The following B9D1 variants were observed in gnomAD, a reference collection of about 807,000 sequenced individuals.
The protein encoded by B9D1 is B9 domain containing 1.
A neutral mutation model predicts 26.1 loss-of-function variants in B9D1; 20 were observed. The observed-to-expected ratio is 0.77, with a 90% CI of 0.54 to 1.12. The LOEUF (loss-of-function observed/expected upper bound fraction) is 1.12, where lower values mean the gene tolerates loss of function less well. B9D1 is among the 50% of genes most tolerant of loss of function. The pLI is 0.00. For missense variants in B9D1, 260 were observed against 273.7 expected (o/e 0.95, Z 0.35); for synonymous variants, 105 against 103.1 (o/e 1.02, Z -0.11).
At chr17:19,376,050 T>C (rs184113769) in intron 1 of B9D1, among the ~76,000 whole-genome samples, 1 of 152,322 alleles carries the variant, frequency 6.6e-6, no homozygotes, top group East Asian at 1.9e-4. Flanking sequence ...TATTTGGCCA[T>C]AAAAATTAGT....
chr17:19,368,770 C>T (rs555199890), intron 1 of B9D1, among the ~76,000 whole-genome samples: 3 of 152,156 alleles, frequency 2.0e-5, no homozygotes, highest in South Asian at 2.1e-4. Flanking sequence ...ATAGAGACCC[C>T]GTCTCTAAGA....
rs558958320 is a variant in B9D1 at position 19,351,556 on chromosome 17, G to A, written c.245-3676C>T. On this transcript the variant is annotated intron_variant, in intron 3 of 6. Coordinates refer to ENST00000261499, the MANE Select transcript of B9D1 (RefSeq NM_015681.6). ...TTCTAGGAGTTTGTGTAAATCTGTC[G>A]TTACTTCCTCTTCTTTTTTTTCTTA... Among the ~76,000 whole-genome samples the A allele has an allele frequency of 2.6e-4, 39 of 152,182 alleles. 1 individual carries two copies. The highest frequency in any genetic ancestry group is 8.3e-4 in the South Asian group (4 of 4,814).
At chr17:19,367,832 T>A (rs1911679796) in intron 1 of B9D1, among the ~76,000 whole-genome samples, 1 of 152,220 alleles carries the variant, frequency 6.6e-6, no homozygotes, top group Non-Finnish European at 1.5e-5. Context: ...AGCCCCTTGG[T>A]CACAGCCCTT....
downstream of B9D1, chr17:19,335,737 C>G (rs1398749236): frequency 1.2e-5 from 4 of 338,774 alleles, no homozygotes; most frequent in Non-Finnish European, 1.6e-5. Context: ...AGAAAAAAGT[C>G]ATTCACCTGG....
In B9D1 at chr17:19,347,923, AG is replaced by A; in HGVS notation, c.245-44del. 6.5e-7 allele frequency: 1 copy of A among 1,530,296 alleles called. No homozygotes were observed. Among genetic ancestry groups the A allele is most frequent in the Non-Finnish European group, 9.0e-7 (1 of 1,107,824 alleles). The allele number at this position is 1,530,296 out of a possible 1,614,324, so 94.8% of individuals were successfully genotyped here. Reference sequence around the variant, plus strand: ...AGGGGGTGGGCACATGAGGACACACAGGGGAGGTGCAGGGCAGAGAACAGGG... The same window carrying A: ...AGGGGGTGGGCACATGAGGACACACAGGGAGGTGCAGGGCAGAGAACAGGG... On this transcript the variant is annotated intron_variant, in intron 3 of 6. Coordinates refer to ENST00000261499, the MANE Select transcript of B9D1 (RefSeq NM_015681.6). The surrounding 1 kb of genome is among the most constrained non-coding windows in gnomAD (Gnocchi z 4.3).
Position 19,343,218 on chromosome 17 carries a change from C to T in B9D1, c.*101G>A, listed in dbSNP as rs1766501658. On this transcript the variant is annotated 3_prime_UTR_variant, in exon 7 of 7. Transcript: ENST00000261499. ...TATTATACAAAACTATTCTGTGTGC[C>T]CCCAGCTCTGGCCACCAGGCTGCCC... 6.3e-7 allele frequency: 1 copy of T among 1,585,248 alleles called. No homozygotes were observed. The highest frequency in any genetic ancestry group is 8.6e-7 in the Non-Finnish European group (1 of 1,169,500).
At chr17:19,361,463 A>G (rs1911054932) in intron 1 of B9D1, among the ~76,000 whole-genome samples, 1 of 152,056 alleles carries the variant, frequency 6.6e-6, no homozygotes, top group African/African-American at 2.4e-5. Context: ...CTGAGAGCAG[A>G]GCAGGGAGGA....
At chr17:19,351,040 T>A (rs1302023736) in intron 3 of B9D1, among the ~76,000 whole-genome samples, 2 of 152,126 alleles carry the variant, frequency 1.3e-5, no homozygotes, top group African/African-American at 4.8e-5. Flanking sequence ...AGTTTCACCA[T>A]GTTGGCCAGG....
chr17:19,362,067 C>T (rs1911149235), intron 1 of B9D1, among the ~76,000 whole-genome samples: 1 of 152,222 alleles, frequency 6.6e-6, no homozygotes, highest in South Asian at 2.1e-4. Context: ...TTCCAGGCCA[C>T]CACCATTGTT....
Position 19,372,899 on chromosome 17 carries a change from G to C in B9D1, c.-298+4960C>G, listed in dbSNP as rs1423122932. The stretch of plus-strand genomic sequence containing the variant: ...ACCCACTCTTGCGGCAGAGGGGTGC[G>C]AACAGTTGGGCACATCTATTATTTC... On this transcript the variant is annotated intron_variant, in intron 1 of 5. Coordinates refer to the B9D1 transcript ENST00000477478. The surrounding 1 kb of genome is among the most constrained non-coding windows in gnomAD (Gnocchi z 4.4). 6.6e-6 allele frequency among the ~76,000 whole-genome samples: 1 copy of C among 152,164 alleles called. No individual in the cohort carries two copies. The highest frequency in any genetic ancestry group is 6.5e-5 in the Admixed American group (1 of 15,272).
chr17:19,377,135 G>A (rs1401104667), intron 1 of B9D1, among the ~76,000 whole-genome samples: 2 of 152,148 alleles, frequency 1.3e-5, no homozygotes, highest in Non-Finnish European at 1.5e-5. Flanking sequence ...GACCATCTTG[G>A]GCACATGTTG....
intron 1 of B9D1, among the ~76,000 whole-genome samples, chr17:19,373,484 C>T (rs1296549716): frequency 2.6e-5 from 4 of 152,100 alleles, no homozygotes; most frequent in East Asian, 1.9e-4. Context: ...CTCCACCTCC[C>T]GAGTTCAAGC....
chr17:19,343,952 C>CG, intron 5 of B9D1, 95 bp from the exon 6 acceptor site: 3 of 1,573,302 alleles, frequency 1.9e-6, no homozygotes, highest in African/African-American at 2.7e-5. Context: ...GTTCAGAAAC[C>CG]AGCACTCTTG....
rs1910821957 is a variant in B9D1 at position 19,359,893 on chromosome 17, C to A, written c.132+427G>T. On this transcript the variant is annotated intron_variant, in intron 2 of 6. Coordinates refer to ENST00000261499, the MANE Select transcript of B9D1 (RefSeq NM_015681.6). The surrounding 1 kb of genome is among the most constrained non-coding windows in gnomAD (Gnocchi z 5.0). ...CTGAAGTTGTCACCACAGTCCCTCA[C>A]CTGGTGGAGGCAAGCTACCCCTTGG... Among the ~76,000 whole-genome samples the A allele has an allele frequency of 6.6e-6, 1 of 152,210 alleles. No individual in the cohort carries two copies. The highest frequency in any genetic ancestry group is 1.9e-4 in the East Asian group (1 of 5,198).
chr17:19,358,911 TCTCCCCAATCTGTTCTTCTCACTGAAAGG>T (rs1198014052), intron 2 of B9D1, among the ~76,000 whole-genome samples: 2 of 152,198 alleles, frequency 1.3e-5, no homozygotes, highest in African/African-American at 4.8e-5. Context: ...TCCAGGTAGC[TCTCCCCAATCTGTTCTTCTCACTGAAAGG>T]CAGCTGCCTA....
chr17:19,362,560 C>T lies in B9D1; in HGVS notation c.10G>A (p.Ala4Thr). Residue 4 changes from alanine to threonine, a missense_variant, in exon 1 of 7, where the codon GCG becomes ACG. Ala to Thr is a moderately conservative substitution (Grantham distance 58, BLOSUM62 0). Coordinates refer to ENST00000261499, the MANE Select transcript of B9D1 (RefSeq NM_015681.6). Reference sequence around the variant, plus strand: ...ATGAGTAGAAAGACGCTAGGACTCGCGGTCGCCATGGCAGGTCTGGGGGTG... The same window carrying T: ...ATGAGTAGAAAGACGCTAGGACTCGTGGTCGCCATGGCAGGTCTGGGGGTG... MAT[A>T]SPSVFLLMVN... The T allele has an allele frequency of 1.3e-6, 2 of 1,589,596 alleles. No homozygotes were observed. The highest frequency in any genetic ancestry group is 1.3e-5 in the African/African-American group (1 of 74,802).
downstream of B9D1, chr17:19,337,446 G>A (rs1907540614): frequency 1.0e-5 from 4 of 398,774 alleles, no homozygotes; most frequent in East Asian, 1.5e-4. Context: ...GGGAGGTCTG[G>A]GACTGCCCTG....
chr17:19,362,451 G>C, intron 1 of B9D1, 56 bp downstream of exon 1: 1 of 1,400,316 alleles, frequency 7.1e-7, no homozygotes, highest in Non-Finnish European at 9.6e-7. Flanking sequence ...GGGGTTGCGG[G>C]AAGGGCCCCG....
At chr17:19,346,891 C>A in intron 5 of B9D1, 1 of 1,420,566 alleles carries the variant, frequency 7.0e-7, no homozygotes, top group Non-Finnish European at 9.2e-7. Context: ...CAGAGACTCC[C>A]ACATGTAAAG....
Sources: allele counts gnomAD v4.1 joint callset (sites outside exome capture counted in the v4.1 genomes callset), GRCh38; gene constraint gnomAD v4.1.1; non-coding constraint Gnocchi (gnomAD v3.1); transcripts MANE v1.5; gene names NCBI Gene and HGNC (gene_info 2026-07-23, HGNC 2026-07-21).